The following SLC8A1 variants were observed in gnomAD, a reference collection of about 807,000 sequenced individuals.
SLC8A1 encodes sodium/calcium exchanger 1.
In SLC8A1, 18 loss-of-function variants were observed where a neutral mutation model predicts 68.3. That is an observed-to-expected ratio of 0.26 (90% CI 0.18 to 0.39). The LOEUF is 0.39. SLC8A1 is among the 10% of genes least tolerant of loss of function. SLC8A1 has a pLI of 1.00. For missense variants in SLC8A1, 985 were observed against 1,156.7 expected (o/e 0.85, Z 2.15); for synonymous variants, 475 against 415.5 (o/e 1.14, Z -1.74).
intron 2 of SLC8A1, among the ~76,000 whole-genome samples, chr2:40,323,263 C>T (rs1057135176): frequency 1.3e-5 from 2 of 152,020 alleles, no homozygotes; most frequent in Admixed American, 6.6e-5. Context: ...AATAATCATC[C>T]TGGATTCTGT....
chr2:40,496,963 T>C (rs966638187), intron 1 of SLC8A1, among the ~76,000 whole-genome samples: 1 of 147,848 alleles, frequency 6.8e-6, no homozygotes, highest in Non-Finnish European at 1.5e-5. Flanking sequence ...TTGGGAGATA[T>C]ACCTAATGCT....
Position 40,463,348 on chromosome 2 carries a change from C to T in SLC8A1, c.-24-33044G>A, listed in dbSNP as rs540189369. 9.2e-5 allele frequency among the ~76,000 whole-genome samples: 14 copies of T among 152,220 alleles called. No individual in the cohort carries two copies. The South Asian group carries it at 1.2e-3, about 14-fold the overall frequency. ...GTGAGGGAGAAAGGGGTGTCAGCGG[C>T]GGCTGCAAGATAAGCATAGTACGTG... On this transcript the variant is annotated intron_variant, in intron 1 of 7. Coordinates refer to the SLC8A1 transcript ENST00000402441.
intron 2 of SLC8A1, among the ~76,000 whole-genome samples, chr2:40,326,882 A>C (rs2075885255): frequency 6.6e-6 from 1 of 152,210 alleles, no homozygotes; most frequent in African/African-American, 2.4e-5. Context: ...GAAGGATCCT[A>C]ACCAGACTGC....
intron 2 of SLC8A1, among the ~76,000 whole-genome samples, chr2:40,380,993 G>C (rs1258143269): frequency 6.6e-6 from 1 of 152,048 alleles, no homozygotes; most frequent in Non-Finnish European, 1.5e-5. Flanking sequence ...CAGTGTCCGA[G>C]TTTGAAGTTT....
intron 1 of SLC8A1, among the ~76,000 whole-genome samples, chr2:40,494,765 T>C (rs2149928939): frequency 6.7e-6 from 1 of 150,248 alleles, no homozygotes; most frequent in African/African-American, 2.5e-5. Context: ...CATTAATGGA[T>C]GTAATTTCTG....
intron 6 of SLC8A1, among the ~76,000 whole-genome samples, chr2:40,149,202 G>A (rs1024861062): frequency 6.6e-6 from 1 of 152,180 alleles, no homozygotes; most frequent in Admixed American, 6.5e-5. Context: ...GGAATGGGAT[G>A]GTTGGAAGAC....
intron 1 of SLC8A1, among the ~76,000 whole-genome samples, chr2:40,447,033 ATTG>A (rs1431890178): frequency 3.9e-5 from 6 of 152,222 alleles, no homozygotes; most frequent in African/African-American, 1.4e-4. Flanking sequence ...GAAATTATTA[ATTG>A]TTCTCACTTA....
chr2:40,100,771 C>T (rs2033846792), exon 8 of SLC8A1: 4 of 152,060 alleles, frequency 2.6e-5, no homozygotes, highest in Admixed American at 1.3e-4. Flanking sequence ...AAGCTATGAC[C>T]AGCAACAGGG....
Position 40,259,966 on chromosome 2 carries a change from T to C in SLC8A1, c.1809-82111A>G, listed in dbSNP as rs189114803. On this transcript the variant is annotated intron_variant, in intron 2 of 7. Transcript: ENST00000406785. ...TTTTCAACCATCTTTCTGACCAAAA[T>C]TGTATGTGTTCTATGTCTCATCCCT... Among the ~76,000 whole-genome samples, 124 of 152,284 alleles carry C rather than the reference T, an allele frequency of 8.1e-4. 1 individual carries two copies. The East Asian group carries it at 0.013, about 16-fold the overall frequency.
chr2:40,493,176 T>A (rs1399473072), intron 1 of SLC8A1, among the ~76,000 whole-genome samples: 1 of 152,106 alleles, frequency 6.6e-6, no homozygotes, highest in Non-Finnish European at 1.5e-5. Context: ...TAAAAAATGA[T>A]GAGTTCCTGT....
intron 6 of SLC8A1, among the ~76,000 whole-genome samples, chr2:40,153,277 C>T (rs1172817560): frequency 6.6e-6 from 1 of 152,144 alleles, no homozygotes; most frequent in Non-Finnish European, 1.5e-5. Flanking sequence ...GTCCTAAAGA[C>T]AACTCACAAG....
At chr2:40,257,084 T>G (rs2064048107) in intron 2 of SLC8A1, among the ~76,000 whole-genome samples, 1 of 152,206 alleles carries the variant, frequency 6.6e-6, no homozygotes, top group African/African-American at 2.4e-5. Context: ...TACATATCTG[T>G]GTATTTATTA....
At chr2:40,244,335 C>T (rs2061571247) in intron 2 of SLC8A1, among the ~76,000 whole-genome samples, 1 of 152,074 alleles carries the variant, frequency 6.6e-6, no homozygotes, top group Admixed American at 6.5e-5. Context: ...TGAGCGTTTC[C>T]ACATCTATTA....
At chr2:40,252,807 TA>T in intron 2 of SLC8A1, among the ~76,000 whole-genome samples, 2 of 145,032 alleles carry the variant, frequency 1.4e-5, no homozygotes, top group African/African-American at 5.2e-5. Context: ...TGTATATATG[TA>T]CATATACATA....
intron 6 of SLC8A1, among the ~76,000 whole-genome samples, chr2:40,160,060 G>A (rs1477756831): frequency 6.6e-6 from 1 of 152,116 alleles, no homozygotes; most frequent in Non-Finnish European, 1.5e-5. Flanking sequence ...AAAATCCAAG[G>A]ACGGGGTTGC....
At chr2:40,362,299 TTAGA>T (rs1010830191) in intron 2 of SLC8A1, among the ~76,000 whole-genome samples, 6 of 151,826 alleles carry the variant, frequency 4.0e-5, no homozygotes, top group East Asian at 1.9e-4. Context: ...AAAAAAAAAC[TTAGA>T]TAGATAGATT....
intron 1 of SLC8A1, among the ~76,000 whole-genome samples, chr2:40,468,386 T>C (rs1413333632): frequency 6.6e-6 from 1 of 152,166 alleles, no homozygotes; most frequent in African/African-American, 2.4e-5. Flanking sequence ...TTTCTTCTAA[T>C]TGACAATTAC....
At chr2:40,329,708 T>A (rs1462040290) in intron 2 of SLC8A1, among the ~76,000 whole-genome samples, 1 of 152,178 alleles carries the variant, frequency 6.6e-6, no homozygotes, top group African/African-American at 2.4e-5. Context: ...TTTAGGCTCT[T>A]GCTCCCATCC....
intron 1 of SLC8A1, among the ~76,000 whole-genome samples, chr2:40,495,818 C>A (rs370299603): frequency 6.6e-6 from 1 of 152,106 alleles, no homozygotes; most frequent in African/African-American, 2.4e-5. Flanking sequence ...TTGCAGTCTC[C>A]AGGCACTGAA....
Sources: allele counts gnomAD v4.1 joint callset (sites outside exome capture counted in the v4.1 genomes callset), GRCh38; gene constraint gnomAD v4.1.1; transcripts MANE v1.5; gene names NCBI Gene and HGNC (gene_info 2026-07-23, HGNC 2026-07-21).